Variants in AGBL4 observed in about 807,000 individuals in gnomAD.
AGBL4 encodes cytosolic carboxypeptidase 6.
In AGBL4, 58 loss-of-function variants were observed where a neutral mutation model predicts 66.4. The observed-to-expected ratio is 0.87, with a 90% CI of 0.71 to 1.09. The LOEUF (loss-of-function observed/expected upper bound fraction) is 1.09, where lower values mean the gene tolerates loss of function less well. AGBL4 is among the 50% of genes least tolerant of loss of function. The pLI is 0.00. For synonymous variants in AGBL4, 234 were observed against 222.9 expected (o/e 1.05, Z -0.44); for missense variants, 579 against 631.0 (o/e 0.92, Z 0.88).
At chr1:50,006,158 T>G (rs1454091206) in intron 1 of AGBL4, among the ~76,000 whole-genome samples, 1 of 151,868 alleles carries the variant, frequency 6.6e-6, no homozygotes, top group African/African-American at 2.4e-5. Flanking sequence ...GCTAACACGG[T>G]GAAACCCCAT....
At chr1:50,002,687 T>C (rs1383676721) in intron 1 of AGBL4, among the ~76,000 whole-genome samples, 5 of 152,142 alleles carry the variant, frequency 3.3e-5, no homozygotes, top group African/African-American at 4.8e-5. Flanking sequence ...TTCTTATACA[T>C]GGCCATAGAG....
chr1:48,567,856 A>G (rs967887425), intron 11 of AGBL4, among the ~76,000 whole-genome samples: 2 of 152,066 alleles, frequency 1.3e-5, no homozygotes, highest in Non-Finnish European at 2.9e-5. Flanking sequence ...AGACTGAAGG[A>G]AAAGGTGAGG....
chr1:49,975,931 T>C (rs1040604178), intron 1 of AGBL4, among the ~76,000 whole-genome samples: 1 of 152,222 alleles, frequency 6.6e-6, no homozygotes, highest in Admixed American at 6.5e-5. Flanking sequence ...TTTTGACTTT[T>C]GTTTCTTATA....
chr1:48,883,479 T>C (rs1021257029), intron 5 of AGBL4, among the ~76,000 whole-genome samples: 2 of 152,210 alleles, frequency 1.3e-5, no homozygotes, highest in Non-Finnish European at 2.9e-5. Flanking sequence ...GCCAAAATTA[T>C]CAGATGATAC....
intron 4 of AGBL4, among the ~76,000 whole-genome samples, chr1:49,138,469 G>C (rs1312782945): frequency 6.6e-6 from 1 of 152,006 alleles, no homozygotes; most frequent in Non-Finnish European, 1.5e-5. Flanking sequence ...GCACTTCTTT[G>C]ATGCCAATTT....
intron 4 of AGBL4, among the ~76,000 whole-genome samples, chr1:49,123,295 G>T (rs1318022309): frequency 1.3e-5 from 2 of 152,100 alleles, no homozygotes; most frequent in South Asian, 2.1e-4. Context: ...ATGGAAAAGG[G>T]TTATACAGAC....
intron 2 of AGBL4, among the ~76,000 whole-genome samples, chr1:49,789,728 T>A (rs1315890068): frequency 6.6e-6 from 1 of 152,118 alleles, no homozygotes; most frequent in African/African-American, 2.4e-5. Flanking sequence ...ATAGGAACAA[T>A]CAGTATCATG....
Position 48,590,844 on chromosome 1 carries a change from C to T in AGBL4, c.1093G>A (p.Asp365Asn). The T allele has an allele frequency of 6.2e-7, 1 of 1,601,432 alleles. No homozygotes were observed. Among genetic ancestry groups the T allele is most frequent in the Non-Finnish European group, 8.5e-7 (1 of 1,173,778 alleles). ...AACTCCTGGCTTACATAGGAGAAGTCCTCAGCATTCTGGCAGAGGAGCTTG... is the reference window on the plus strand; with the variant it reads ...AACTCCTGGCTTACATAGGAGAAGTTCTCAGCATTCTGGCAGAGGAGCTTG... ...FPKLLCQNAE[D>N]FSYSSTSFNR... Residue 365 changes from aspartate to asparagine, a missense_variant, in exon 10 of 14, where the codon GAC (aspartate) becomes AAC (asparagine). By Grantham distance (23) the Asp-to-Asn change is conservative. Coordinates refer to ENST00000371839, the MANE Select transcript of AGBL4 (RefSeq NM_032785.4).
chr1:48,728,135 T>C, intron 6 of AGBL4: 1 of 1,179,272 alleles, frequency 8.5e-7, no homozygotes, highest in South Asian at 1.6e-5. Context: ...CCTCCCAACA[T>C]ACTTCCCAAA....
At chr1:49,346,126 A>G (rs557436716) in intron 3 of AGBL4, among the ~76,000 whole-genome samples, 1 of 152,322 alleles carries the variant, frequency 6.6e-6, no homozygotes, top group African/African-American at 2.4e-5. Flanking sequence ...CTTATTTTGC[A>G]AACTAACTGG....
intron 3 of AGBL4, among the ~76,000 whole-genome samples, chr1:49,688,941 A>T (rs2124586252): frequency 6.6e-6 from 1 of 151,928 alleles, no homozygotes; most frequent in South Asian, 2.1e-4. Context: ...TTTTCCTATT[A>T]CTTGAGTTCC....
chr1:48,818,343 G>A (rs1330218072), intron 6 of AGBL4: 2 of 702,774 alleles, frequency 2.8e-6, no homozygotes, highest in East Asian at 5.4e-5. Context: ...TGCCTTAATT[G>A]GGAGCCATAC....
chr1:49,977,685 G>T (rs1469359826), intron 1 of AGBL4, among the ~76,000 whole-genome samples: 1 of 152,038 alleles, frequency 6.6e-6, no homozygotes, highest in East Asian at 1.9e-4. Flanking sequence ...AATATTATTT[G>T]TGCTACATTT....
intron 2 of AGBL4, among the ~76,000 whole-genome samples, chr1:49,738,847 G>C (rs1366753905): frequency 6.6e-6 from 1 of 152,200 alleles, no homozygotes; most frequent in Non-Finnish European, 1.5e-5. Flanking sequence ...TGAGGGTCCT[G>C]ACTGTTAGAA....
intron 3 of AGBL4, among the ~76,000 whole-genome samples, chr1:49,561,154 T>C (rs1159010694): frequency 6.6e-6 from 1 of 151,978 alleles, no homozygotes; most frequent in African/African-American, 2.4e-5. Context: ...CAAAAACTTT[T>C]CAAGACTTAG....
chr1:49,614,430 G>A (rs555461537), intron 3 of AGBL4, among the ~76,000 whole-genome samples: 1 of 152,116 alleles, frequency 6.6e-6, no homozygotes, highest in East Asian at 1.9e-4. Flanking sequence ...ATGGTATGAG[G>A]TAACACAATG....
chr1:49,339,262 A>T (rs907976923), intron 3 of AGBL4, among the ~76,000 whole-genome samples: 5 of 152,246 alleles, frequency 3.3e-5, no homozygotes, highest in Non-Finnish European at 1.5e-5. Context: ...GCAGAACATT[A>T]AATTTCTATA....
intron 5 of AGBL4, among the ~76,000 whole-genome samples, chr1:49,025,417 A>G (rs1002942768): frequency 2.0e-5 from 3 of 152,176 alleles, no homozygotes; most frequent in East Asian, 3.9e-4. Flanking sequence ...GAGAAGGCCA[A>G]TAAACAGGAT....
intron 4 of AGBL4, among the ~76,000 whole-genome samples, chr1:49,130,372 A>T (rs1034986474): frequency 2.6e-5 from 4 of 152,122 alleles, no homozygotes; most frequent in African/African-American, 9.7e-5. Flanking sequence ...GGTGTTTTAG[A>T]CATGAAGTCC....
Sources: allele counts gnomAD v4.1 joint callset (sites outside exome capture counted in the v4.1 genomes callset), GRCh38; gene constraint gnomAD v4.1.1; transcripts MANE v1.5; gene names NCBI Gene and HGNC (gene_info 2026-07-23, HGNC 2026-07-21).